Variants in PCDHGA6 observed in about 807,000 individuals in gnomAD.
PCDHGA6 encodes the protein protocadherin gamma-A6.
PCDHGA6 carries 41 observed loss-of-function variants against 60.6 expected under a neutral mutation model. That is an observed-to-expected ratio of 0.68 (90% CI 0.53 to 0.88). The LOEUF is 0.88. PCDHGA6 is among the 40% of genes least tolerant of loss of function. PCDHGA6 has a pLI of 0.00. For synonymous variants in PCDHGA6, 594 were observed against 524.4 expected, an observed-to-expected ratio of 1.13 and a Z score of -1.81; for missense variants, 1,312 against 1,203.0, an observed-to-expected ratio of 1.09 and a Z score of -1.34.
At chr5:141,388,969 C>A (rs1392290138) in intron 1 of PCDHGA6, 1 of 1,613,882 alleles carries the variant, frequency 6.2e-7, no homozygotes, top group Non-Finnish European at 8.5e-7. Context: ...GAGCTGGGAA[C>A]ACATATTGCT....
Position 141,412,905 on chromosome 5 carries a change from A to G in PCDHGA6, c.2424+36398A>G, listed in dbSNP as rs145108034. The stretch of plus-strand genomic sequence containing the variant: ...AACAGAATAGTTTACTTTCCATTGC[A>G]TGTATCACTTGGGTGCAGTAACTTC... On this transcript the variant is annotated intron_variant, in intron 1 of 3. Coordinates refer to ENST00000517434, the MANE Select transcript of PCDHGA6 (RefSeq NM_018919.3). 1.3e-3 allele frequency: 513 copies of G among 382,556 alleles called. 6 individuals are homozygous for G. The East Asian group carries it at 0.015, about 11-fold the overall frequency. 23.7% of individuals were successfully genotyped at this position (382,556 alleles called of 1,614,324 possible).
rs767497197 is a variant in PCDHGA6, at chr5:141,486,350, T to C, written c.2425-8457T>C. The C allele has an allele frequency of 6.2e-7, 1 of 1,614,128 alleles. No homozygotes were observed. Among genetic ancestry groups the C allele is most frequent in the South Asian group, 1.1e-5 (1 of 91,074 alleles). On this transcript the variant is annotated intron_variant, in intron 1 of 3. Transcript: ENST00000517434. The surrounding 1 kb of genome is among the most constrained non-coding windows in gnomAD (Gnocchi z 5.0). ...TGTGAGCCTCCGCATTCCTGACCAC[T>C]TGCCATTTGCCCTCAAGTCTGCCTT...
chr5:141,387,421 A>T (rs1379081151), intron 1 of PCDHGA6, among the ~76,000 whole-genome samples: 1 of 152,250 alleles, frequency 6.6e-6, no homozygotes, highest in Non-Finnish European at 1.5e-5. Flanking sequence ...GCTTATGTCA[A>T]TAAATGTTTA....
chr5:141,436,590 C>T (rs1050788291), intron 1 of PCDHGA6, among the ~76,000 whole-genome samples: 10 of 152,102 alleles, frequency 6.6e-5, no homozygotes, highest in East Asian at 1.9e-4. Context: ...TTTGAAAGGT[C>T]GTGGTGATGG....
rs759706919 is a variant in PCDHGA6 at position 141,374,098 on chromosome 5, G to C, written c.15G>C (p.Gln5His). 20 of 1,561,062 alleles carry C rather than the reference G, an allele frequency of 1.3e-5. No homozygotes were observed. The South Asian group carries it at 2.1e-4, about 17-fold the overall frequency. MAPP[Q>H]RHPQRSEQVL... is the part of the protein sequence containing the mutation. ...ATAAGCCAGTAATGGCGCCTCCGCA[G>C]AGGCATCCGCAGCGCAGCGAGCAGG... The change falls in exon 1 of 4, where the codon CAG becomes CAC. Residue 5 changes from glutamine to histidine, a missense_variant. Physicochemically the swap from Gln to His is conservative, Grantham distance 24. Transcript: ENST00000517434.
intron 1 of PCDHGA6, chr5:141,383,337 A>G (rs1185721914): frequency 6.2e-7 from 1 of 1,614,066 alleles, no homozygotes; most frequent in East Asian, 2.2e-5. Flanking sequence ...TGGAGAATAC[A>G]GCTCCTGGGG....
In PCDHGA6 at chr5:141,486,070, T is replaced by G; in HGVS notation, c.2425-8737T>G. The G allele has an allele frequency of 6.2e-7, 1 of 1,614,158 alleles. No individual in the cohort carries two copies. Among genetic ancestry groups the G allele is most frequent in the Non-Finnish European group, 8.5e-7 (1 of 1,180,010 alleles). On this transcript the variant is annotated intron_variant, in intron 1 of 3. Coordinates refer to ENST00000517434, the MANE Select transcript of PCDHGA6 (RefSeq NM_018919.3). This position sits in a 1 kb window ranked among gnomAD's most constrained non-coding sequence, Gnocchi z 5.0. ...ACCTCTTTAGCCTGCACCCCACTAC[T>G]GGAAAGCTTACTCTTTTGGGGCCCC...
At chr5:141,508,295 G>C (rs989632251) in intron 3 of PCDHGA6, 5 of 152,202 alleles carry the variant, frequency 3.3e-5, no homozygotes, top group Non-Finnish European at 7.3e-5. Context: ...TGGGCCTTGG[G>C]GGGAGTGGGG....
chr5:141,393,684 T>A, intron 1 of PCDHGA6: 1 of 1,613,904 alleles, frequency 6.2e-7, no homozygotes, highest in Non-Finnish European at 8.5e-7. Flanking sequence ...ACAAACTCCG[T>A]TATTCCAGCT....
chr5:141,436,659 G>A (rs771567212), intron 1 of PCDHGA6, among the ~76,000 whole-genome samples: 3 of 152,136 alleles, frequency 2.0e-5, no homozygotes, highest in Non-Finnish European at 2.9e-5. Flanking sequence ...GCCATTTTTA[G>A]TGGTTGACCA....
At chr5:141,462,542 T>C (rs910054469) in intron 1 of PCDHGA6, among the ~76,000 whole-genome samples, 1 of 152,222 alleles carries the variant, frequency 6.6e-6, no homozygotes, top group Non-Finnish European at 1.5e-5. Flanking sequence ...AGTGATCTTT[T>C]CTTCTTCAGT....
intron 1 of PCDHGA6, chr5:141,383,971 G>A (rs373869441): frequency 2.5e-6 from 4 of 1,613,544 alleles, no homozygotes; most frequent in African/African-American, 1.3e-5. Context: ...CTCAATCCCT[G>A]AAGACACACC....
At chr5:141,401,919 G>A (rs2150915658) in intron 1 of PCDHGA6, among the ~76,000 whole-genome samples, 1 of 152,224 alleles carries the variant, frequency 6.6e-6, no homozygotes, top group Non-Finnish European at 1.5e-5. Context: ...ATAAGTTTAA[G>A]TGATGCTTAG....
chr5:141,488,656 G>A (rs2099678001), intron 1 of PCDHGA6, among the ~76,000 whole-genome samples: 1 of 152,200 alleles, frequency 6.6e-6, no homozygotes, highest in African/African-American at 2.4e-5. Flanking sequence ...ATGGGGGAGG[G>A]TGGGGGAATA....
chr5:141,421,697 A>T (rs750973568), intron 1 of PCDHGA6: 8 of 1,613,924 alleles, frequency 5.0e-6, no homozygotes, highest in Non-Finnish European at 6.8e-6. Context: ...GCTCTTCCTA[A>T]TGCTAGGGAT....
rs191354649 is a variant in PCDHGA6 at position 141,510,446 on chromosome 5, C to T, written c.2573-501C>T. 8.9e-4 allele frequency among the ~76,000 whole-genome samples: 135 copies of T among 152,154 alleles called. 1 individual carries two copies. Among genetic ancestry groups the T allele is most frequent in the Non-Finnish European group, 1.7e-3 (114 of 68,010 alleles). On this transcript the variant is annotated intron_variant, in intron 3 of 3. Coordinates refer to ENST00000517434, the MANE Select transcript of PCDHGA6 (RefSeq NM_018919.3). ...TTTCATGGCTGCTGCCCTCCAGGAG[C>T]CCATGGTCTAGTGTGGGAGTCAGAG...
chr5:141,423,501 C>G, intron 1 of PCDHGA6: 1 of 1,613,990 alleles, frequency 6.2e-7, no homozygotes, highest in African/African-American at 1.3e-5. Flanking sequence ...CCCACGAGGT[C>G]TCTCTCATTG....
chr5:141,417,232 G>C (rs997894028), intron 1 of PCDHGA6: 5 of 152,072 alleles, frequency 3.3e-5, no homozygotes, highest in Non-Finnish European at 7.4e-5. Flanking sequence ...AAAATTTGTT[G>C]CTTATCTTCA....
intron 1 of PCDHGA6, chr5:141,413,440 A>G (rs4912751): frequency 0.46 from 738,760 of 1,613,878 alleles, 177,316 homozygotes; most frequent in African/African-American, 0.83. Flanking sequence ...CGGCAGCTTG[A>G]TCACCGCGGG....
Sources: allele counts gnomAD v4.1 joint callset (sites outside exome capture counted in the v4.1 genomes callset), GRCh38; gene constraint gnomAD v4.1.1; non-coding constraint Gnocchi (gnomAD v3.1); transcripts MANE v1.5; gene names NCBI Gene and HGNC (gene_info 2026-07-23, HGNC 2026-07-21).